Variants in PTPN23 observed in about 807,000 individuals in gnomAD.
The protein encoded by PTPN23 is tyrosine-protein phosphatase non-receptor type 23.
A neutral mutation model predicts 156.3 loss-of-function variants in PTPN23; 72 were observed. The ratio of observed to expected loss-of-function variants is 0.46; its 90% confidence interval spans 0.38 to 0.56. The LOEUF is 0.56. Among genes scored for constraint, PTPN23 ranks in the 20% least tolerant of loss-of-function variants. The pLI is 0.00. For synonymous variants in PTPN23, 957 were observed against 899.6 expected (o/e 1.06, Z -1.14); for missense variants, 1,974 against 2,171.5 (o/e 0.91, Z 1.81).
rs562475547 is a variant in PTPN23 at position 47,405,519 on chromosome 3, C to T, written c.365-230C>T. ...ATCCCTGAAGCTTCAAGATTGGACC[C>T]CTTGGACAGGAGCCCTTCCATCCTC... On this transcript the variant is annotated intron_variant, in intron 4 of 24. Coordinates refer to ENST00000265562, the MANE Select transcript of PTPN23 (RefSeq NM_015466.4). The surrounding 1 kb of genome is among the most constrained non-coding windows in gnomAD (Gnocchi z 4.7). The T allele has an allele frequency of 1.7e-6, 1 of 582,272 alleles. No individual in the cohort carries two copies. The highest frequency in any genetic ancestry group is 1.9e-5 in the African/African-American group (1 of 53,206). 36.1% of individuals were successfully genotyped at this position (582,272 alleles called of 1,614,324 possible).
chr3:47,409,887 G>A (rs777179130), intron 19 of PTPN23, 41 bp from the exon 20 acceptor site: 3 of 1,582,320 alleles, frequency 1.9e-6, no homozygotes, highest in East Asian at 2.3e-5. Context: ...AGGCTGGGGT[G>A]ATGGGAGCCT....
Position 47,411,131 on chromosome 3 carries a change from C to T in PTPN23, c.3333C>T (p.Arg1111=), listed in dbSNP as rs772198874. 3.1e-6 allele frequency: 5 copies of T among 1,601,222 alleles called. No individual in the cohort carries two copies. Among genetic ancestry groups the T allele is most frequent in the Non-Finnish European group, 4.3e-6 (5 of 1,175,316 alleles). ...CAGCAGAACCACCCCCTTGCCTGCG[C>T]CGAGGCGCCGCAGCTGCAGACCTGC... is the stretch of plus-strand genomic sequence containing the variant. ...PPAAEPPPCL[R]RGAAAADLLS... The change falls in exon 20 of 25, where the codon CGC becomes CGT. Residue 1111 remains arginine (R), a synonymous_variant. Transcript: ENST00000265562. The surrounding 1 kb of genome is among the most constrained non-coding windows in gnomAD (Gnocchi z 6.3).
intron 2 of PTPN23, among the ~76,000 whole-genome samples, chr3:47,401,255 G>A (rs1704989101): frequency 6.6e-6 from 1 of 152,092 alleles, no homozygotes; most frequent in South Asian, 2.1e-4. Flanking sequence ...CTGAAGTGCA[G>A]TGGCATGATC....
intron 1 of PTPN23, among the ~76,000 whole-genome samples, chr3:47,388,437 C>T (rs1419358636): frequency 6.6e-6 from 1 of 151,896 alleles, no homozygotes; most frequent in East Asian, 1.9e-4. Context: ...AACACCTGGG[C>T]TTAAGTAGGT....
intron 2 of PTPN23, among the ~76,000 whole-genome samples, chr3:47,399,413 T>C (rs1228464360): frequency 2.0e-5 from 3 of 152,204 alleles, no homozygotes; most frequent in African/African-American, 4.8e-5. Flanking sequence ...CTTCTTCTTA[T>C]GCTGTCTTCT....
At chr3:47,392,808 A>T (rs1462699361) in intron 1 of PTPN23, among the ~76,000 whole-genome samples, 1 of 152,184 alleles carries the variant, frequency 6.6e-6, no homozygotes, top group Non-Finnish European at 1.5e-5. Flanking sequence ...TCAAACATAT[A>T]GAAAAATTGG....
chr3:47,405,199 C>T lies in PTPN23; in HGVS notation c.364+118C>T. The T allele has an allele frequency of 1.1e-6, 1 of 917,900 alleles. No individual in the cohort carries two copies. Among genetic ancestry groups the T allele is most frequent in the Non-Finnish European group, 1.7e-6 (1 of 576,522 alleles). The allele number at this position is 917,900 out of a possible 1,614,324, so 56.9% of individuals were successfully genotyped here. On this transcript the variant is annotated intron_variant, in intron 4 of 24. Coordinates refer to ENST00000265562, the MANE Select transcript of PTPN23 (RefSeq NM_015466.4). The surrounding 1 kb of genome is among the most constrained non-coding windows in gnomAD (Gnocchi z 4.7). ...TAAAGGGAGGACTCCAGGATTCCCG[C>T]CCCTCCACTGACCTCCCCACAGCCC...
intron 15 of PTPN23, 96 bp downstream of exon 15, chr3:47,408,586 C>T (rs1705186189): frequency 6.7e-7 from 1 of 1,500,434 alleles, no homozygotes; most frequent in South Asian, 1.3e-5. Context: ...GGAGGCTGCA[C>T]CCCTCTAGGC....
chr3:47,406,683 C>G lies in PTPN23; in HGVS notation c.760-20C>G, dbSNP rs201260277. ...CCACAGCTCAGGAAGCAAGTCGTGG[C>G]GTCTCTTCTTCTTTCCCAGCTGCAC... On this transcript the variant is annotated intron_variant, in intron 8 of 24. Transcript: ENST00000265562. This position sits in a 1 kb window ranked among gnomAD's most constrained non-coding sequence, Gnocchi z 5.8. 6 of 1,613,866 alleles carry G rather than the reference C, an allele frequency of 3.7e-6. No individual in the cohort carries two copies. Among genetic ancestry groups the G allele is most frequent in the Non-Finnish European group, 5.1e-6 (6 of 1,179,984 alleles).
chr3:47,381,073 G>T lies in PTPN23; in HGVS notation c.-24G>T. ...GCTGCAGCAGCTACGGGAGTGGCCG[G>T]GTGGCCGGCGGGTGCCAGCCGCCAT... On this transcript the variant is annotated 5_prime_UTR_variant, in exon 1 of 25. Transcript: ENST00000265562. 1 of 1,556,080 alleles carries T rather than the reference G, an allele frequency of 6.4e-7. No individual in the cohort carries two copies. Among genetic ancestry groups the T allele is most frequent in the Non-Finnish European group, 8.7e-7 (1 of 1,149,574 alleles).
chr3:47,410,461 A>G lies in PTPN23; in HGVS notation c.2663A>G (p.Gln888Arg), dbSNP rs769723166. 2 of 1,610,822 alleles carry G rather than the reference A, an allele frequency of 1.2e-6. No individual in the cohort carries two copies. The highest frequency in any genetic ancestry group is 2.2e-5 in the South Asian group (2 of 90,790). The change falls in exon 20 of 25, where the codon CAG becomes CGG. Residue 888 changes from glutamine (Q) to arginine (R), a missense_variant. Transcript: ENST00000265562. ...RPATTTVDSIQAPIPSHTAPR... is the reference protein window; with the variant it reads ...RPATTTVDSIRAPIPSHTAPR... Reference sequence around the variant, plus strand: ...GCCACCACCACAGTAGATAGCATCCAGGCGCCCATCCCCAGCCACACAGCC... The same window carrying G: ...GCCACCACCACAGTAGATAGCATCCGGGCGCCCATCCCCAGCCACACAGCC...
intron 17 of PTPN23, 28 bp downstream of exon 17, chr3:47,409,345 C>A (rs1459437261): frequency 1.2e-6 from 2 of 1,613,318 alleles, no homozygotes; most frequent in Admixed American, 1.7e-5. Context: ...GGTAGAGGGG[C>A]TCTGGCTCCG....
In PTPN23 at chr3:47,407,251, T is replaced by C; in HGVS notation, c.865-58T>C. ...AGCAAGCCCGGTAGGACTGAGGGGG[T>C]GTCCTGGTGCCAGCCTTGGTTAGTG... On this transcript the variant is annotated intron_variant, in intron 10 of 24. Coordinates refer to ENST00000265562, the MANE Select transcript of PTPN23 (RefSeq NM_015466.4). This position sits in a 1 kb window ranked among gnomAD's most constrained non-coding sequence, Gnocchi z 4.0. The C allele has an allele frequency of 6.2e-7, 1 of 1,612,936 alleles. No individual in the cohort carries two copies. The highest frequency in any genetic ancestry group is 1.7e-5 in the Admixed American group (1 of 59,964).
intron 1 of PTPN23, among the ~76,000 whole-genome samples, 188 bp from the exon 2 acceptor site, chr3:47,395,955 G>C (rs1704869386): frequency 7.5e-6 from 1 of 133,482 alleles, no homozygotes; most frequent in Non-Finnish European, 1.7e-5. Flanking sequence ...TTGGTGCAGG[G>C]TCACGGCTCT....
At chr3:47,404,536 T>A in intron 2 of PTPN23, 116 bp from the exon 3 acceptor site, 1 of 1,398,180 alleles carries the variant, frequency 7.2e-7, no homozygotes, top group Non-Finnish European at 9.9e-7. Context: ...TTGGGATCCC[T>A]TGGTGTGTGC....
In PTPN23 at chr3:47,413,382, A is replaced by T; in HGVS notation, c.*197A>T. On this transcript the variant is annotated 3_prime_UTR_variant, in exon 25 of 25. Transcript: ENST00000265562. ...GGGTCAGGTTCTGCTCCTTTATGGG[A>T]CCCGACATTTTTCAGCTCTTTGCTA... 1.5e-6 allele frequency: 1 copy of T among 676,188 alleles called. No homozygotes were observed. 41.9% of individuals were successfully genotyped at this position (676,188 alleles called of 1,614,324 possible).
chr3:47,407,232 C>G lies in PTPN23; in HGVS notation c.864+46C>G, dbSNP rs577629386. ...GCTGCCCTGAGGGTATAGGAGCAAG[C>G]CCGGTAGGACTGAGGGGGTGTCCTG... On this transcript the variant is annotated intron_variant, in intron 10 of 24. Coordinates refer to ENST00000265562, the MANE Select transcript of PTPN23 (RefSeq NM_015466.4). The surrounding 1 kb of genome is among the most constrained non-coding windows in gnomAD (Gnocchi z 4.0). 5 of 1,613,504 alleles carry G rather than the reference C, an allele frequency of 3.1e-6. No homozygotes were observed. The highest frequency in any genetic ancestry group is 3.4e-6 in the Non-Finnish European group (4 of 1,179,636).
At position 47,407,486 on chromosome 3, in the gene PTPN23, CCCTGCT is replaced by C; in HGVS notation, c.924-14_924-9del. The C allele has an allele frequency of 6.2e-7, 1 of 1,612,734 alleles. No individual in the cohort carries two copies. Among genetic ancestry groups the C allele is most frequent in the Admixed American group, 1.7e-5 (1 of 60,026 alleles). ...CTGACACCCCGTGACTGCCCACTCC[CCCTGCT>C]CCTGATCCCCAGGTACAATTCTGCC... is the stretch of plus-strand genomic sequence containing the variant. On this transcript the variant is annotated splice_polypyrimidine_tract_variant and intron_variant, in intron 11 of 24. Coordinates refer to ENST00000265562, the MANE Select transcript of PTPN23 (RefSeq NM_015466.4). The surrounding 1 kb of genome is among the most constrained non-coding windows in gnomAD (Gnocchi z 4.0).
chr3:47,406,750 G>A lies in PTPN23; in HGVS notation c.807G>A (p.Arg269=), dbSNP rs775792774. Reference sequence around the variant, plus strand: ...AGGAGCAGCAGAAGTTCGGGGAGCGGGTGAGCTACAGCGAGGAGGGGACTG... The same window carrying A: ...AGGAGCAGCAGAAGTTCGGGGAGCGAGTGAGCTACAGCGAGGAGGGGACTG... The part of the protein sequence containing the change: ...QAEEQQKFGE[R]VAYFQSALDK... Residue 269 remains arginine (R), a splice_region_variant and synonymous_variant, in exon 9 of 25, where the codon CGG becomes CGA. Coordinates refer to ENST00000265562, the MANE Select transcript of PTPN23 (RefSeq NM_015466.4). The surrounding 1 kb of genome is among the most constrained non-coding windows in gnomAD (Gnocchi z 5.8). 1.2e-6 allele frequency: 2 copies of A among 1,613,484 alleles called. No individual in the cohort carries two copies. The highest frequency in any genetic ancestry group is 1.7e-5 in the Admixed American group (1 of 59,984).
Sources: gnomAD v4.1 joint callset for allele counts (sites outside exome capture counted in the v4.1 genomes callset) on GRCh38, gnomAD v4.1.1 for gene constraint, Gnocchi (gnomAD v3.1) non-coding constraint, MANE v1.5 for transcripts, NCBI Gene and HGNC (gene_info 2026-07-23, HGNC 2026-07-21) for gene names.